The following PCDHA7 variants were observed in gnomAD, a reference collection of about 807,000 sequenced individuals.
PCDHA7 encodes protocadherin alpha-7.
PCDHA7 carries 37 observed loss-of-function variants against 57.2 expected under a neutral mutation model. The observed-to-expected ratio is 0.65, with a 90% CI of 0.50 to 0.85. The LOEUF (loss-of-function observed/expected upper bound fraction) is 0.85, where lower values mean the gene tolerates loss of function less well. Ranked by LOEUF, PCDHA7 falls within the 40% of genes least tolerant of loss-of-function variation. PCDHA7 has a pLI of 0.00. For missense variants in PCDHA7, 1,188 were observed against 1,241.8 expected (o/e 0.96, Z 0.65); for synonymous variants, 553 against 558.8 (o/e 0.99, Z 0.15).
chr5:140,851,612 A>G, intron 1 of PCDHA7: 1 of 921,118 alleles, frequency 1.1e-6, no homozygotes, highest in Non-Finnish European at 1.3e-6. Context: ...GAAATTGGAG[A>G]AAATGCTTTT....
intron 1 of PCDHA7, among the ~76,000 whole-genome samples, chr5:140,948,536 C>T (rs2094269261): frequency 6.6e-6 from 1 of 151,548 alleles, no homozygotes; most frequent in Admixed American, 6.6e-5. Context: ...TATTTTATTT[C>T]ATGCTCTGTC....
intron 1 of PCDHA7, chr5:140,870,402 T>A (rs782585618): frequency 3.7e-6 from 6 of 1,614,230 alleles, no homozygotes; most frequent in Middle Eastern, 1.6e-4. Context: ...GTTCGCCTTC[T>A]CTGTGGGCCA....
At chr5:140,838,340 T>G (rs1451086818) in intron 1 of PCDHA7, among the ~76,000 whole-genome samples, 1 of 149,952 alleles carries the variant, frequency 6.7e-6, no homozygotes, top group Non-Finnish European at 1.5e-5. Context: ...CCCCGGCTGG[T>G]CTCGAAATCT....
chr5:140,839,529 A>G (rs1291835739), intron 1 of PCDHA7, among the ~76,000 whole-genome samples: 5 of 151,980 alleles, frequency 3.3e-5, no homozygotes, highest in Admixed American at 2.6e-4. Flanking sequence ...TGCTGGGACT[A>G]TAGGCACACA....
At chr5:140,978,791 A>G (rs1443899144) in intron 1 of PCDHA7, 158 bp from the exon 2 acceptor site, 1 of 976,042 alleles carries the variant, frequency 1.0e-6, no homozygotes, top group Non-Finnish European at 1.2e-6. Context: ...AAAGTGCTAT[A>G]TATGTAGATA....
chr5:140,884,395 C>A, intron 1 of PCDHA7: 1 of 1,614,000 alleles, frequency 6.2e-7, no homozygotes, highest in Non-Finnish European at 8.5e-7. Flanking sequence ...CGGTGTCCAG[C>A]CTGTTGGTGC....
At chr5:140,962,930 C>A (rs2095720492) in intron 1 of PCDHA7, among the ~76,000 whole-genome samples, 1 of 152,144 alleles carries the variant, frequency 6.6e-6, no homozygotes, top group South Asian at 2.1e-4. Flanking sequence ...TACTTCTCAA[C>A]CTCCTCTCCA....
intron 1 of PCDHA7, among the ~76,000 whole-genome samples, chr5:140,941,247 CTTTCTTTCTCTT>C (rs1165264412): frequency 7.0e-5 from 9 of 128,506 alleles, no homozygotes; most frequent in African/African-American, 1.7e-4. Context: ...TTCTTTCTTT[CTTTCTTTCTCTT>C]TCTTTCTTTC....
chr5:140,941,202 C>CCTTCCTTTCTTTCTTTCTTTCTTT (rs1554213920), intron 1 of PCDHA7, among the ~76,000 whole-genome samples: 8 of 122,742 alleles, frequency 6.5e-5, no homozygotes, highest in Non-Finnish European at 1.1e-4. Flanking sequence ...TTTCTTTCTT[C>CCTTCCTTTCTTTCTTTCTTTCTTT]CTTTCTTTCT....
At chr5:140,951,723 A>C (rs1364455679) in intron 1 of PCDHA7, among the ~76,000 whole-genome samples, 1 of 152,104 alleles carries the variant, frequency 6.6e-6, no homozygotes, top group African/African-American at 2.4e-5. Context: ...GATCCAAACC[A>C]TGTCATTCTG....
intron 1 of PCDHA7, chr5:140,852,028 TATTG>T (rs1203440654): frequency 2.1e-6 from 2 of 942,992 alleles, no homozygotes; most frequent in Admixed American, 6.3e-5. Flanking sequence ...AAACTTCGCT[TATTG>T]AGTTTTTGTT....
chr5:140,849,081 T>G (rs2040772386), intron 1 of PCDHA7: 2 of 1,516,686 alleles, frequency 1.3e-6, no homozygotes. Context: ...TGGACTTGTA[T>G]TACGGAAACT....
At chr5:140,917,337 G>T (rs1563019639) in intron 1 of PCDHA7, among the ~76,000 whole-genome samples, 1 of 142,560 alleles carries the variant, frequency 7.0e-6, no homozygotes, top group Non-Finnish European at 1.6e-5. Context: ...GGGAGGGGGG[G>T]GATGGTGTAG....
intron 1 of PCDHA7, among the ~76,000 whole-genome samples, chr5:140,978,710 A>G (rs576055391): frequency 1.3e-5 from 2 of 152,378 alleles, no homozygotes; most frequent in East Asian, 3.9e-4. Flanking sequence ...GGTGGCCTTT[A>G]CAAGATTATT....
At chr5:140,968,464 C>T (rs1554230763) in intron 1 of PCDHA7, 4 of 1,613,996 alleles carry the variant, frequency 2.5e-6, no homozygotes, top group Admixed American at 1.7e-5. Flanking sequence ...TGACTGCCAA[C>T]GTATATGTGG....
chr5:140,958,015 C>A (rs573406509), intron 1 of PCDHA7, among the ~76,000 whole-genome samples: 1 of 151,796 alleles, frequency 6.6e-6, no homozygotes, highest in Non-Finnish European at 1.5e-5. Context: ...TTCTATCAGC[C>A]AAGTATACTA....
intron 1 of PCDHA7, chr5:140,883,224 C>T (rs782659730): frequency 1.2e-6 from 2 of 1,613,946 alleles, no homozygotes; most frequent in Non-Finnish European, 1.7e-6. Flanking sequence ...TATGAAATAT[C>T]CGTGGAGGCA....
intron 1 of PCDHA7, among the ~76,000 whole-genome samples, chr5:140,899,245 G>A (rs2067216472): frequency 6.6e-6 from 1 of 152,128 alleles, no homozygotes; most frequent in Non-Finnish European, 1.5e-5. Context: ...GGAGTGGTGA[G>A]AGAGGGCATC....
At chr5:141,000,944 T>C (rs2097977292) in intron 3 of PCDHA7, among the ~76,000 whole-genome samples, 1 of 152,196 alleles carries the variant, frequency 6.6e-6, no homozygotes, top group Non-Finnish European at 1.5e-5. Flanking sequence ...GGACAAATTA[T>C]CTTGCTGTAA....
Sources: gnomAD v4.1 joint callset for allele counts (sites outside exome capture counted in the v4.1 genomes callset) on GRCh38, gnomAD v4.1.1 for gene constraint, MANE v1.5 for transcripts, NCBI Gene and HGNC (gene_info 2026-07-23, HGNC 2026-07-21) for gene names.